The following GRIP2 variants were observed in gnomAD, a reference collection of about 807,000 sequenced individuals.
GRIP2 encodes glutamate receptor interacting protein 2.
Under a neutral mutation model 108.3 loss-of-function variants are expected in GRIP2, and 58 were observed. The ratio of observed to expected loss-of-function variants is 0.54; its 90% CI spans 0.43 to 0.67. The LOEUF is 0.67. Among genes scored for constraint, GRIP2 ranks in the 30% least tolerant of loss-of-function variants. The probability of loss-of-function intolerance (pLI) is 0.00; values close to 1 mark genes in which losing one functional copy is unlikely to be tolerated. For synonymous variants in GRIP2, 586 were observed against 598.2 expected (o/e 0.98, Z 0.30); for missense variants, 1,278 against 1,430.6 (o/e 0.89, Z 1.72).
upstream of GRIP2, among the ~76,000 whole-genome samples, chr3:14,540,947 G>A (rs114826678): frequency 0.035 from 5,271 of 152,284 alleles, 331 homozygotes; most frequent in African/African-American, 0.12. This position sits in a 1 kb window ranked among gnomAD's most constrained non-coding sequence, Gnocchi z 4.1. Flanking sequence ...AGCCTGCCAC[G>A]TGGAGTGGCC....
At position 14,514,148 on chromosome 3, in the gene GRIP2, G is replaced by A. The variant is rs562579583; in HGVS notation, c.1493+144C>T. On this transcript the variant is annotated intron_variant, in intron 12 of 23. Transcript: ENST00000621039. ...AAGTGAGTCAGCTTCTCTGAGCCTC[G>A]GTTTCCTCATCTGTAAAATGGGGCT... The A allele has an allele frequency of 2.8e-4, 229 of 829,570 alleles. No homozygotes were observed. The African/African-American group carries it at 2.8e-3, about 10-fold the overall frequency. The allele number at this position is 829,570 out of a possible 1,614,324, so 51.4% of individuals were successfully genotyped here. A position where few individuals can be genotyped will look rare whatever the true frequency, so the allele number is the denominator to read the frequency against.
upstream of GRIP2, among the ~76,000 whole-genome samples, chr3:14,546,089 C>G (rs912102809): frequency 2.6e-5 from 4 of 152,122 alleles, no homozygotes; most frequent in Admixed American, 6.5e-5. Flanking sequence ...AAGCTGAGCC[C>G]CAGGTCTCCT....
intron 1 of GRIP2, among the ~76,000 whole-genome samples, chr3:14,549,774 C>T (rs1559355497): frequency 6.6e-6 from 1 of 152,320 alleles, no homozygotes; most frequent in South Asian, 2.1e-4. Context: ...TTTCATTTTA[C>T]AGACGAGGAA....
Position 14,507,680 on chromosome 3 carries a change from C to T in GRIP2, c.2099G>A (p.Gly700Glu). 6.2e-7 allele frequency: 1 copy of T among 1,613,944 alleles called. No homozygotes were observed. The highest frequency in any genetic ancestry group is 8.5e-7 in the Non-Finnish European group (1 of 1,179,862). Residue 700 changes from glycine to glutamate, a missense_variant, in exon 18 of 24, where the codon GGG becomes GAG. By Grantham distance (98) the Gly-to-Glu change is moderately conservative (BLOSUM62 -2). Transcript: ENST00000621039. The surrounding 1 kb of genome is among the most constrained non-coding windows in gnomAD (Gnocchi z 4.6). ...GTTGTTGATGGCCAGAATGCGGTCCCCCACGTGGATGGCACCAGTCCTGAG... is the reference window on the plus strand; with the variant it reads ...GTTGTTGATGGCCAGAATGCGGTCCTCCACGTGGATGGCACCAGTCCTGAG... The part of the protein sequence containing the change: ...LAERTGAIHV[G>E]DRILAINNVS...
upstream of GRIP2, among the ~76,000 whole-genome samples, chr3:14,558,814 T>C (rs888405865): frequency 2.6e-5 from 4 of 152,162 alleles, no homozygotes; most frequent in Non-Finnish European, 5.9e-5. Flanking sequence ...TGTGCAAAAC[T>C]GACTACGGAG....
At chr3:14,525,662 G>T in intron 2 of GRIP2, 90 bp from the exon 3 acceptor site, 1 of 1,501,734 alleles carries the variant, frequency 6.7e-7, no homozygotes. Flanking sequence ...GCACCTGGTT[G>T]GTAGGGCACT....
chr3:14,502,249 T>C (rs1206302551), intron 21 of GRIP2, among the ~76,000 whole-genome samples: 2 of 152,158 alleles, frequency 1.3e-5, no homozygotes, highest in Non-Finnish European at 2.9e-5. Context: ...TCCCAGCACT[T>C]TGGGAAGCTG....
chr3:14,518,347 C>T (rs986372400), intron 9 of GRIP2, among the ~76,000 whole-genome samples: 2 of 152,304 alleles, frequency 1.3e-5, no homozygotes, highest in Non-Finnish European at 2.9e-5. Context: ...GGCTGAGCAC[C>T]GGGGCACTAG....
upstream of GRIP2, among the ~76,000 whole-genome samples, chr3:14,561,003 T>G (rs761277473): frequency 5.5e-4 from 84 of 152,302 alleles, no homozygotes; most frequent in Non-Finnish European, 1.0e-3. Context: ...ATGAATTACT[T>G]TGGGTGCAGG....
intron 1 of GRIP2, among the ~76,000 whole-genome samples, chr3:14,555,520 G>T (rs1434752530): frequency 6.6e-6 from 1 of 152,098 alleles, no homozygotes; most frequent in African/African-American, 2.4e-5. Context: ...AGCAGAGGCG[G>T]GGGCAGAGAA....
At chr3:14,581,578 C>A in the GRIP2 span, among the ~76,000 whole-genome samples, 1 of 152,230 alleles carries the variant, frequency 6.6e-6, no homozygotes, top group Non-Finnish European at 1.5e-5. Flanking sequence ...AGCCCCAGGA[C>A]TTTTGCTGGA....
the GRIP2 span, among the ~76,000 whole-genome samples, chr3:14,598,073 G>A: frequency 1.3e-5 from 2 of 152,252 alleles, no homozygotes; most frequent in African/African-American, 4.8e-5. Flanking sequence ...TGTTCAGGAA[G>A]TGTGTATGCA....
chr3:14,517,694 C>T, intron 10 of GRIP2, 78 bp downstream of exon 10: 1 of 1,545,224 alleles, frequency 6.5e-7, no homozygotes, highest in Non-Finnish European at 8.8e-7. Context: ...GAGTTTCCTT[C>T]CCTTAGACAA....
chr3:14,527,247 A>AAAGGGAAGGGAAGGG (rs145344565), intron 1 of GRIP2, among the ~76,000 whole-genome samples: 2 of 150,918 alleles, frequency 1.3e-5, no homozygotes, highest in Non-Finnish European at 3.0e-5. Flanking sequence ...AAGAAGGAAG[A>AAAGGGAAGGGAAGGG]AAGGGAAGGG....
At chr3:14,587,593 C>G in the GRIP2 span, among the ~76,000 whole-genome samples, 12 of 148,316 alleles carry the variant, frequency 8.1e-5, no homozygotes, top group African/African-American at 2.7e-4. Context: ...GAGCTGAGAT[C>G]ATGCCACTGC....
At chr3:14,519,217 G>A (rs996250598) in intron 9 of GRIP2, among the ~76,000 whole-genome samples, 2 of 152,190 alleles carry the variant, frequency 1.3e-5, no homozygotes, top group African/African-American at 4.8e-5. Flanking sequence ...GAAGCTGGCA[G>A]AGACCATAGA....
chr3:14,523,754 G>A lies in GRIP2; in HGVS notation c.404-56C>T, dbSNP rs186281232. 4.2e-6 allele frequency: 5 copies of A among 1,191,728 alleles called. No individual in the cohort carries two copies. The African/African-American group carries it at 7.5e-5, about 18-fold the overall frequency. The allele number at this position is 1,191,728 out of a possible 1,614,324, so 73.8% of individuals were successfully genotyped here. A position where few individuals can be genotyped will look rare whatever the true frequency, so the allele number is the denominator to read the frequency against. ...CCTCAGTCGCATCTCCAGGCCGGTA[G>A]ATGTGCCCAAAGCTCATTCCAGGAG... On this transcript the variant is annotated intron_variant, in intron 4 of 23. Coordinates refer to ENST00000621039, the MANE Select transcript of GRIP2 (RefSeq NM_001080423.4).
chr3:14,570,635 T>C, the GRIP2 span, among the ~76,000 whole-genome samples: 1 of 152,248 alleles, frequency 6.6e-6, no homozygotes, highest in African/African-American at 2.4e-5. Context: ...GTGGCTTCTA[T>C]TTTTCAGGTC....
intron 8 of GRIP2, 29 bp downstream of exon 8, chr3:14,520,361 A>C: frequency 6.2e-7 from 1 of 1,610,786 alleles, no homozygotes; most frequent in Non-Finnish European, 8.5e-7. Context: ...ACACACCTCC[A>C]TGGTGGCAGC....
Sources: gnomAD v4.1 joint callset for allele counts (sites outside exome capture counted in the v4.1 genomes callset) on GRCh38, gnomAD v4.1.1 for gene constraint, Gnocchi (gnomAD v3.1) non-coding constraint, MANE v1.5 for transcripts, NCBI Gene and HGNC (gene_info 2026-07-23, HGNC 2026-07-21) for gene names.